Variants in TANK observed in about 807,000 individuals in gnomAD.
The protein encoded by TANK is TRAF family member associated NFKB activator.
Under a neutral mutation model 43.6 loss-of-function variants are expected in TANK, and 15 were observed. The observed-to-expected ratio is 0.34, with a 90% CI of 0.23 to 0.53. The LOEUF (loss-of-function observed/expected upper bound fraction) is 0.53. TANK is among the 20% of genes least tolerant of loss of function. The pLI, the probability that TANK is intolerant of heterozygous loss-of-function variation, is 0.94. For synonymous variants in TANK, 162 were observed against 178.2 expected, an observed-to-expected ratio of 0.91 and a Z score of 0.73; for missense variants, 417 against 498.6, an observed-to-expected ratio of 0.84 and a Z score of 1.56.
rs1417651182 is a variant in TANK at position 161,211,900 on chromosome 2, T to C, written c.327+7107T>C. 12 of 984,798 alleles carry C rather than the reference T, an allele frequency of 1.2e-5. No homozygotes were observed. In the South Asian group the frequency reaches 5.6e-4, roughly 46 times the overall value. The allele number at this position is 984,798 out of a possible 1,614,324, so 61.0% of individuals were successfully genotyped here. ...GGTTTTCTTTCTAGAAACTGCATTA[T>C]ATATACCCTATTTTTATATATAATG... On this transcript the variant is annotated intron_variant, in intron 4 of 7. Transcript: ENST00000392749.
intron 1 of TANK, chr2:161,163,196 C>T (rs943570021): frequency 6.6e-6 from 1 of 152,102 alleles, no homozygotes; most frequent in Non-Finnish European, 1.5e-5. Context: ...TTTAAATAGC[C>T]TAAGAACTCT....
chr2:161,188,354 A>G (rs1685760977), intron 2 of TANK, among the ~76,000 whole-genome samples: 1 of 152,166 alleles, frequency 6.6e-6, no homozygotes, highest in African/African-American at 2.4e-5. Context: ...TGAGGACATT[A>G]TTACCTACTT....
chr2:161,203,476 TA>T lies in TANK; in HGVS notation c.100-10del. 1.3e-6 allele frequency: 2 copies of T among 1,592,914 alleles called. No individual in the cohort carries two copies. Among genetic ancestry groups the T allele is most frequent in the African/African-American group, 2.7e-5 (2 of 74,340 alleles). ...AGTGAATATCAGGCTAACTGGTTTT[TA>T]TGTCAGCAGACTGAGAACTATGAGC... On this transcript the variant is annotated splice_polypyrimidine_tract_variant and intron_variant, in intron 2 of 7. Coordinates refer to ENST00000392749, the MANE Select transcript of TANK (RefSeq NM_001199135.3).
chr2:161,161,278 C>G, intron 1 of TANK: 2 of 1,550,444 alleles, frequency 1.3e-6, no homozygotes, highest in Non-Finnish European at 1.7e-6. Context: ...TTTATCTCAC[C>G]TCACAGGAGA....
chr2:161,223,807 T>C lies in TANK; in HGVS notation c.328-108T>C. The C allele has an allele frequency of 4.5e-6, 3 of 660,494 alleles. No individual in the cohort carries two copies. In the Admixed American group the frequency reaches 7.5e-5, roughly 17 times the overall value. The allele number at this position is 660,494 out of a possible 1,614,324, so 40.9% of individuals were successfully genotyped here. On this transcript the variant is annotated intron_variant, in intron 4 of 7. Coordinates refer to ENST00000392749, the MANE Select transcript of TANK (RefSeq NM_001199135.3). ...TCTATAAGCTGTCTCAAGTTATTTT[T>C]CAGTAGGGAAGGTAAATAAAATTTC...
upstream of TANK, among the ~76,000 whole-genome samples, chr2:161,158,797 A>G (rs553147233): frequency 1.3e-4 from 20 of 152,344 alleles, no homozygotes; most frequent in Non-Finnish European, 2.4e-4. Flanking sequence ...TTTTTTGCAA[A>G]AGACATATCT....
chr2:161,140,239 C>T lies in TANK; in HGVS notation c.-50+3176C>T, dbSNP rs1683703819. On this transcript the variant is annotated intron_variant, in intron 1 of 7. Coordinates refer to the TANK transcript ENST00000259075. Reference sequence around the variant, plus strand: ...AATCCATAATACTGTTGGGCCTTGGCATCCCCTTTTGAAAATAATTCTTTA... The same window carrying T: ...AATCCATAATACTGTTGGGCCTTGGTATCCCCTTTTGAAAATAATTCTTTA... 2.6e-5 allele frequency among the ~76,000 whole-genome samples: 4 copies of T among 152,272 alleles called. No individual in the cohort carries two copies. In the South Asian group the frequency reaches 8.3e-4, roughly 32 times the overall value.
chr2:161,179,817 G>T (rs181845740), intron 2 of TANK, 56 bp downstream of exon 2: 2 of 1,548,562 alleles, frequency 1.3e-6, no homozygotes, highest in Middle Eastern at 1.7e-4. Flanking sequence ...GAATTTTAGA[G>T]CCTTTTGCAT....
upstream of TANK, among the ~76,000 whole-genome samples, chr2:161,159,624 T>A (rs895966907): frequency 3.3e-5 from 5 of 152,214 alleles, no homozygotes; most frequent in Admixed American, 2.0e-4. Flanking sequence ...TTGGACTTAC[T>A]GGCCTAAGGA....
intron 1 of TANK, 82 bp from the exon 2 acceptor site, chr2:161,179,532 A>C: frequency 7.8e-7 from 1 of 1,279,844 alleles, no homozygotes; most frequent in Non-Finnish European, 1.1e-6. Context: ...GGTAAACCTT[A>C]TAGAACTATC....
At chr2:161,212,059 T>C in intron 4 of TANK, 4 of 769,030 alleles carry the variant, frequency 5.2e-6, no homozygotes, top group Non-Finnish European at 6.2e-6. Context: ...TCATAATACA[T>C]AAACTTTTTT....
chr2:161,173,959 T>C (rs1685067496), intron 1 of TANK, among the ~76,000 whole-genome samples: 1 of 152,128 alleles, frequency 6.6e-6, no homozygotes, highest in African/African-American at 2.4e-5. Context: ...GAAAACTTGT[T>C]ATGGAAGTTA....
chr2:161,223,951 A>C lies in TANK; in HGVS notation c.364A>C (p.Thr122Pro). 6.2e-7 allele frequency: 1 copy of C among 1,602,552 alleles called. No homozygotes were observed. The highest frequency in any genetic ancestry group is 8.5e-7 in the Non-Finnish European group (1 of 1,172,438). The part of the protein sequence containing the change: ...RQEVSSPRKE[T>P]SARSLGSPLL... ...AGAGGTTTCTTCTCCTAGAAAAGAA[A>C]CTTCAGCAAGGAGTCTTGGCAGTCC... The change falls in exon 5 of 8, where the codon ACT becomes CCT. Residue 122 changes from threonine to proline, a missense_variant. By Grantham distance (38) the Thr-to-Pro change is conservative. Transcript: ENST00000392749.
At chr2:161,163,790 C>T (rs1351081271) in intron 1 of TANK, among the ~76,000 whole-genome samples, 2 of 152,182 alleles carry the variant, frequency 1.3e-5, no homozygotes, top group East Asian at 1.9e-4. Flanking sequence ...TAGCATAGTT[C>T]AGGTATGTGC....
At chr2:161,230,853 C>T in intron 6 of TANK, 118 bp from the exon 7 acceptor site, 3 of 798,122 alleles carry the variant, frequency 3.8e-6, no homozygotes, top group Non-Finnish European at 6.0e-6. Context: ...TCCCAGTTGT[C>T]TTCATTTGCT....
At chr2:161,220,656 G>T (rs1467487178) in intron 4 of TANK, among the ~76,000 whole-genome samples, 1 of 151,988 alleles carries the variant, frequency 6.6e-6, no homozygotes, top group Non-Finnish European at 1.5e-5. Flanking sequence ...GACTTTAATT[G>T]CTTAAAATTT....
chr2:161,221,735 C>T (rs549816119), intron 4 of TANK, among the ~76,000 whole-genome samples: 1 of 151,226 alleles, frequency 6.6e-6, no homozygotes, highest in African/African-American at 2.4e-5. Flanking sequence ...GTACCGGGAA[C>T]TCAGAATTTT....
intron 4 of TANK, among the ~76,000 whole-genome samples, chr2:161,209,727 T>C (rs1011090529): frequency 6.6e-6 from 1 of 152,142 alleles, no homozygotes; most frequent in Non-Finnish European, 1.5e-5. Context: ...AGACAAAAAA[T>C]TTGGTGATAT....
rs1053257194 is a variant in TANK at position 161,211,906 on chromosome 2, C to A, written c.327+7113C>A. On this transcript the variant is annotated intron_variant, in intron 4 of 7. Coordinates refer to ENST00000392749, the MANE Select transcript of TANK (RefSeq NM_001199135.3). Reference sequence around the variant, plus strand: ...CTTTCTAGAAACTGCATTATATATACCCTATTTTTATATATAATGCTTCTG... The same window carrying A: ...CTTTCTAGAAACTGCATTATATATAACCTATTTTTATATATAATGCTTCTG... 6.1e-6 allele frequency: 6 copies of A among 984,268 alleles called. No homozygotes were observed. In the African/African-American group the frequency reaches 1.0e-4, roughly 17 times the overall value. 61.0% of individuals were successfully genotyped at this position (984,268 alleles called of 1,614,324 possible). A position where few individuals can be genotyped will look rare whatever the true frequency, so the allele number is the denominator to read the frequency against.
Sources: gnomAD v4.1 joint callset for allele counts (sites outside exome capture counted in the v4.1 genomes callset) on GRCh38, gnomAD v4.1.1 for gene constraint, MANE v1.5 for transcripts, NCBI Gene and HGNC (gene_info 2026-07-23, HGNC 2026-07-21) for gene names.